TTYH2: variants seen among roughly 807,000 people sequenced by gnomAD.
TTYH2 encodes tweety family member 2.
In TTYH2, 49 loss-of-function variants were observed where a neutral mutation model predicts 68.3. That is an observed-to-expected ratio of 0.72 (90% CI 0.57 to 0.91). The LOEUF (loss-of-function observed/expected upper bound fraction) is 0.91. Ranked by LOEUF, TTYH2 falls within the 40% of genes least tolerant of loss-of-function variation. The probability of loss-of-function intolerance (pLI) is 0.00; values close to 1 mark genes in which losing one functional copy is unlikely to be tolerated. For missense variants in TTYH2, 631 were observed against 700.4 expected (o/e 0.90, Z 1.12); for synonymous variants, 272 against 300.8 (o/e 0.90, Z 0.99).
chr17:74,228,129 A>C (rs1598217287), intron 2 of TTYH2, among the ~76,000 whole-genome samples: 1 of 151,900 alleles, frequency 6.6e-6, no homozygotes, highest in East Asian at 1.9e-4. Context: ...GATTACAGGC[A>C]TGCGCCACCA....
chr17:74,250,198 G>A (rs1237291222), intron 9 of TTYH2, 67 bp from the exon 10 acceptor site: 1 of 1,525,024 alleles, frequency 6.6e-7, no homozygotes, highest in African/African-American at 1.4e-5. Flanking sequence ...CACAGCTGCT[G>A]TGGTGGTTTT....
At chr17:74,230,159 TAGAG>T (rs1567813188) in intron 2 of TTYH2, among the ~76,000 whole-genome samples, 2 of 151,676 alleles carry the variant, frequency 1.3e-5, no homozygotes. Flanking sequence ...ATAAAGGGGT[TAGAG>T]GGGAGGGGGT....
At chr17:74,227,269 G>A (rs938683281) in intron 2 of TTYH2, among the ~76,000 whole-genome samples, 8 of 152,200 alleles carry the variant, frequency 5.3e-5, no homozygotes, top group Middle Eastern at 6.8e-3. Context: ...GCCCCAAGGC[G>A]ATTTCTGATC....
rs2050735628 is a variant in TTYH2 at position 74,260,226 on chromosome 17, C to T, written c.*17C>T. 6.2e-7 allele frequency: 1 copy of T among 1,612,716 alleles called. No homozygotes were observed. The highest frequency in any genetic ancestry group is 8.5e-7 in the Non-Finnish European group (1 of 1,178,946). On this transcript the variant is annotated 3_prime_UTR_variant, in exon 14 of 14. Transcript: ENST00000269346. ...CCAGCCTAACAGACTTTCGGGGGTT[C>T]CTGCCTCCTTTTTCCGTTCTGGTTT...
At chr17:74,218,434 A>G (rs1185581480) in intron 1 of TTYH2, among the ~76,000 whole-genome samples, 1 of 151,276 alleles carries the variant, frequency 6.6e-6, no homozygotes, top group African/African-American at 2.4e-5. Context: ...GCAGTTTGGG[A>G]GGCCAAGGAA....
intron 6 of TTYH2, chr17:74,248,147 G>T (rs759181349): frequency 1.9e-6 from 1 of 522,198 alleles, no homozygotes; most frequent in Non-Finnish European, 2.5e-6. Flanking sequence ...TCCCCTGCCC[G>T]GGGAGCATGT....
At chr17:74,243,502 G>C (rs1446952390) in intron 5 of TTYH2, 33 bp downstream of exon 5, 1 of 1,604,924 alleles carries the variant, frequency 6.2e-7, no homozygotes, top group Non-Finnish European at 8.5e-7. Flanking sequence ...CTGGGACAAA[G>C]AGCTGGGCAG....
chr17:74,260,005 G>C, intron 13 of TTYH2, 124 bp from the exon 14 acceptor site: 1 of 792,896 alleles, frequency 1.3e-6, no homozygotes, highest in Non-Finnish European at 2.2e-6. Flanking sequence ...ATGTGGGGTG[G>C]AGGCACGGCC....
intron 3 of TTYH2, among the ~76,000 whole-genome samples, chr17:74,235,895 CAA>C (rs538914752): frequency 9.1e-5 from 5 of 55,094 alleles, no homozygotes; most frequent in Non-Finnish European, 7.5e-5. Context: ...GACTCCATCT[CAA>C]AAAAAAAAAA....
rs1302264574 is a variant in TTYH2 at position 74,232,884 on chromosome 17, C to G, written c.414+1885C>G. ...AGGGGAGCTGGAACGGGCCCCCAGGCTGGGGCCTCCCACCCCATGGCCTGA... is the reference window on the plus strand; with the variant it reads ...AGGGGAGCTGGAACGGGCCCCCAGGGTGGGGCCTCCCACCCCATGGCCTGA... On this transcript the variant is annotated intron_variant, in intron 3 of 13. Coordinates refer to ENST00000269346, the MANE Select transcript of TTYH2 (RefSeq NM_032646.6). This position sits in a 1 kb window ranked among gnomAD's most constrained non-coding sequence, Gnocchi z 5.1. 1.3e-5 allele frequency among the ~76,000 whole-genome samples: 2 copies of G among 152,236 alleles called. No individual in the cohort carries two copies. Among genetic ancestry groups the G allele is most frequent in the Non-Finnish European group, 2.9e-5 (2 of 68,026 alleles).
rs376777502 is a variant in TTYH2 at position 74,239,354 on chromosome 17, G to A, written c.635+1840G>A. ...TGGAGGAGGCACGTGGGGAGGGGAA[G>A]CATGAGTCAGGAGGAGCGAGTGTCA... On this transcript the variant is annotated intron_variant, in intron 4 of 13. Transcript: ENST00000269346. This position sits in a 1 kb window ranked among gnomAD's most constrained non-coding sequence, Gnocchi z 5.3. 4.9e-4 allele frequency among the ~76,000 whole-genome samples: 74 copies of A among 152,358 alleles called. No homozygotes were observed. Among genetic ancestry groups the A allele is most frequent in the African/African-American group, 1.7e-3 (69 of 41,584 alleles).
Position 74,217,727 on chromosome 17 carries a change from C to T in TTYH2, c.129+4011C>T, listed in dbSNP as rs1368885958. 6.6e-6 allele frequency among the ~76,000 whole-genome samples: 1 copy of T among 152,242 alleles called. No homozygotes were observed. Among genetic ancestry groups the T allele is most frequent in the Non-Finnish European group, 1.5e-5 (1 of 68,040 alleles). On this transcript the variant is annotated intron_variant, in intron 1 of 13. Transcript: ENST00000269346. This position sits in a 1 kb window ranked among gnomAD's most constrained non-coding sequence, Gnocchi z 4.0. ...CTCTCTATGTCTTCTGGGGCCAGGGCTGTTGCCCCCTCCCCTGCCCAGTGC... is the reference window on the plus strand; with the variant it reads ...CTCTCTATGTCTTCTGGGGCCAGGGTTGTTGCCCCCTCCCCTGCCCAGTGC...
rs770601893 is a variant in TTYH2, at chr17:74,260,242, G to T, written c.*33G>T. The T allele has an allele frequency of 3.7e-6, 6 of 1,605,846 alleles. No individual in the cohort carries two copies. The highest frequency in any genetic ancestry group is 2.7e-5 in the African/African-American group (2 of 74,690). ...TCGGGGGTTCCTGCCTCCTTTTTCC[G>T]TTCTGGTTTTTAATTAGTGCAAATA... On this transcript the variant is annotated 3_prime_UTR_variant, in exon 14 of 14. Coordinates refer to ENST00000269346, the MANE Select transcript of TTYH2 (RefSeq NM_032646.6).
rs911018081 is a variant in TTYH2, at chr17:74,228,266, G to C, written c.303-2622G>C. The stretch of plus-strand genomic sequence containing the variant: ...CCCAAAGTGCTAGGATTACAGGCAT[G>C]AGCCACTGCGCCTGGTAGGAGGTTT... On this transcript the variant is annotated intron_variant, in intron 2 of 13. Transcript: ENST00000269346. Among the ~76,000 whole-genome samples the C allele has an allele frequency of 5.3e-5, 8 of 152,298 alleles. No homozygotes were observed. The South Asian group carries it at 1.2e-3, about 24-fold the overall frequency.
In TTYH2 at chr17:74,232,223, C is replaced by A. The variant is rs1199972450; in HGVS notation, c.414+1224C>A. ...TGCCCCCCTCCTGCTCCCTTAAGCT[C>A]CTCTAAGGCTTTAATCCCTCAGTCA... On this transcript the variant is annotated intron_variant, in intron 3 of 13. Transcript: ENST00000269346. This position sits in a 1 kb window ranked among gnomAD's most constrained non-coding sequence, Gnocchi z 5.1. Among the ~76,000 whole-genome samples the A allele has an allele frequency of 6.6e-6, 1 of 152,206 alleles. No individual in the cohort carries two copies. The highest frequency in any genetic ancestry group is 1.5e-5 in the Non-Finnish European group (1 of 68,038).
chr17:74,216,395 T>C (rs535142360), intron 1 of TTYH2, among the ~76,000 whole-genome samples: 2 of 152,100 alleles, frequency 1.3e-5, no homozygotes, highest in East Asian at 3.9e-4. Context: ...CCTTAGGATG[T>C]GGGTGGTGCG....
chr17:74,225,018 A>G lies in TTYH2; in HGVS notation c.302+2361A>G, dbSNP rs545646135. On this transcript the variant is annotated intron_variant, in intron 2 of 13. Transcript: ENST00000269346. ...CGTCTCAAAAAAAAAAAAAACAACCAAAAAACTAAGGAGAGAGCTCTGAAG... is the reference window on the plus strand; with the variant it reads ...CGTCTCAAAAAAAAAAAAAACAACCGAAAAACTAAGGAGAGAGCTCTGAAG... 5.0e-4 allele frequency among the ~76,000 whole-genome samples: 76 copies of G among 150,544 alleles called. 1 individual carries two copies. Among genetic ancestry groups the G allele is most frequent in the African/African-American group, 1.8e-3 (73 of 40,584 alleles).
rs1434935396 is a variant in TTYH2 at position 74,215,095 on chromosome 17, C to CCTG, written c.129+1380_129+1382dup. Reference sequence around the variant, plus strand: ...TCTGTGTTCCCTGAGAATGTGGCTGCCTGGGGATAGCTCCAGGGAATCTTC... The same window carrying CCTG: ...TCTGTGTTCCCTGAGAATGTGGCTGCCTGCTGGGGATAGCTCCAGGGAATCTTC... On this transcript the variant is annotated intron_variant, in intron 1 of 13. Transcript: ENST00000269346. The surrounding 1 kb of genome is among the most constrained non-coding windows in gnomAD (Gnocchi z 4.3). 1.3e-5 allele frequency among the ~76,000 whole-genome samples: 2 copies of CCTG among 151,824 alleles called. No homozygotes were observed. The highest frequency in any genetic ancestry group is 4.8e-5 in the African/African-American group (2 of 41,286).
At chr17:74,250,522 T>C in intron 10 of TTYH2, 165 bp downstream of exon 10, 1 of 616,796 alleles carries the variant, frequency 1.6e-6, no homozygotes, top group Non-Finnish European at 2.8e-6. Flanking sequence ...GTGCCTGGCT[T>C]CTCCAGGGGC....
Sources: allele counts gnomAD v4.1 joint callset (sites outside exome capture counted in the v4.1 genomes callset), GRCh38; gene constraint gnomAD v4.1.1; non-coding constraint Gnocchi (gnomAD v3.1); transcripts MANE v1.5; gene names NCBI Gene and HGNC (gene_info 2026-07-23, HGNC 2026-07-21).